Variants in UNC5C observed in about 807,000 individuals in gnomAD.
UNC5C encodes the protein netrin receptor UNC5C.
A neutral mutation model predicts 99.8 loss-of-function variants in UNC5C; 47 were observed. The observed-to-expected ratio is 0.47, with a 90% CI of 0.37 to 0.60. The LOEUF (loss-of-function observed/expected upper bound fraction) is 0.60, where lower values mean the gene tolerates loss of function less well. UNC5C is among the 20% of genes least tolerant of loss of function. The pLI is 0.00. For synonymous variants in UNC5C, 487 were observed against 452.2 expected (o/e 1.08, Z -0.98); for missense variants, 1,062 against 1,165.9 (o/e 0.91, Z 1.30).
chr4:95,240,621 CA>C (rs1739295500), intron 7 of UNC5C, among the ~76,000 whole-genome samples: 2 of 151,708 alleles, frequency 1.3e-5, no homozygotes, highest in Non-Finnish European at 2.9e-5. Context: ...AAAATACAAA[CA>C]AAAACAAACA....
intron 14 of UNC5C, among the ~76,000 whole-genome samples, chr4:95,178,144 G>A (rs573768997): frequency 6.6e-6 from 1 of 152,314 alleles, no homozygotes; most frequent in East Asian, 1.9e-4. Context: ...CTAATCTCAG[G>A]TTGCCCCGTC....
chr4:95,205,554 G>A (rs1032298345), intron 11 of UNC5C, among the ~76,000 whole-genome samples: 1 of 151,990 alleles, frequency 6.6e-6, no homozygotes, highest in Non-Finnish European at 1.5e-5. Flanking sequence ...GAATCTTCAT[G>A]TGTATTTTTT....
intron 2 of UNC5C, among the ~76,000 whole-genome samples, chr4:95,331,227 T>C (rs10032662): frequency 0.4 from 60,371 of 151,998 alleles, 13,724 homozygotes; most frequent in East Asian, 0.84. Context: ...CACTGATGGG[T>C]ACTTGGGTTG....
At chr4:95,444,934 G>C (rs1747053927) in intron 1 of UNC5C, among the ~76,000 whole-genome samples, 1 of 152,080 alleles carries the variant, frequency 6.6e-6, no homozygotes, top group Non-Finnish European at 1.5e-5. Flanking sequence ...AGCCACTTTT[G>C]GTAGATTTAT....
chr4:95,457,038 C>T (rs1747452655), intron 1 of UNC5C, among the ~76,000 whole-genome samples: 1 of 152,078 alleles, frequency 6.6e-6, no homozygotes, highest in African/African-American at 2.4e-5. Flanking sequence ...TTAAGTGAAT[C>T]AACTGACATA....
At chr4:95,318,139 A>C (rs540982375) in intron 2 of UNC5C, among the ~76,000 whole-genome samples, 1 of 152,236 alleles carries the variant, frequency 6.6e-6, no homozygotes, top group East Asian at 1.9e-4. Flanking sequence ...AATATAAACA[A>C]GACTTTTAGG....
chr4:95,216,321 A>T (rs1560736736), intron 9 of UNC5C, 110 bp from the exon 10 acceptor site: 4 of 765,642 alleles, frequency 5.2e-6, no homozygotes, highest in Non-Finnish European at 8.3e-6. Flanking sequence ...TTCTCTAAAG[A>T]CATGTAAATA....
At chr4:95,382,016 G>A (rs553761139) in intron 1 of UNC5C, among the ~76,000 whole-genome samples, 6 of 152,246 alleles carry the variant, frequency 3.9e-5, no homozygotes, top group South Asian at 4.2e-4. Flanking sequence ...AGTCCCAGAC[G>A]AAGTAAGAAG....
At chr4:95,503,246 C>A (rs911339475) in intron 1 of UNC5C, among the ~76,000 whole-genome samples, 1 of 151,800 alleles carries the variant, frequency 6.6e-6, no homozygotes. Flanking sequence ...TCCTTTCTCA[C>A]CCTCTCCCCT....
chr4:95,405,749 C>T (rs79984646), intron 1 of UNC5C, among the ~76,000 whole-genome samples: 4,801 of 152,218 alleles, frequency 0.032, 268 homozygotes, highest in African/African-American at 0.11. Flanking sequence ...TTTATTGCTG[C>T]GTGCCTGAAC....
intron 1 of UNC5C, among the ~76,000 whole-genome samples, chr4:95,431,324 T>TA (rs1173615218): frequency 6.6e-6 from 1 of 152,096 alleles, no homozygotes; most frequent in Non-Finnish European, 1.5e-5. Flanking sequence ...GAAAGCCTGT[T>TA]AAAACTCAGA....
intron 3 of UNC5C, among the ~76,000 whole-genome samples, chr4:95,299,739 A>C (rs1905460): frequency 0.76 from 115,580 of 152,126 alleles, 44,812 homozygotes; most frequent in African/African-American, 0.92. Flanking sequence ...ATCAGATCTC[A>C]TGAGACTTAT....
At chr4:95,444,626 G>A (rs1387313312) in intron 1 of UNC5C, among the ~76,000 whole-genome samples, 6 of 152,098 alleles carry the variant, frequency 3.9e-5, no homozygotes, top group Non-Finnish European at 8.8e-5. Flanking sequence ...GCACCGCGCC[G>A]GGCCTGCATT....
intron 4 of UNC5C, among the ~76,000 whole-genome samples, chr4:95,277,020 C>T (rs889146576): frequency 3.9e-5 from 6 of 151,966 alleles, no homozygotes; most frequent in Non-Finnish European, 2.9e-5. Context: ...GATGTTTGAG[C>T]TTGTTGTCAG....
At chr4:95,224,931 C>T (rs1280100505) in intron 7 of UNC5C, among the ~76,000 whole-genome samples, 1 of 150,506 alleles carries the variant, frequency 6.6e-6, no homozygotes. Context: ...GATCAGGAGG[C>T]AAGTGCTTGA....
intron 14 of UNC5C, among the ~76,000 whole-genome samples, chr4:95,180,624 G>C (rs1025886574): frequency 1.8e-4 from 27 of 152,184 alleles, no homozygotes; most frequent in African/African-American, 6.5e-4. Flanking sequence ...CAGAGTACAT[G>C]TCACGCACAG....
intron 1 of UNC5C, among the ~76,000 whole-genome samples, chr4:95,365,023 A>G (rs1383526793): frequency 6.6e-6 from 1 of 151,568 alleles, no homozygotes; most frequent in African/African-American, 2.4e-5. Flanking sequence ...GGTCGGGTGC[A>G]GTGGCTCACA....
chr4:95,474,566 G>A (rs1431565463), intron 1 of UNC5C, among the ~76,000 whole-genome samples: 3 of 152,072 alleles, frequency 2.0e-5, no homozygotes, highest in Non-Finnish European at 4.4e-5. Flanking sequence ...AGGATTACAG[G>A]TGTGAGCCAC....
chr4:95,399,075 T>A (rs555063253), intron 1 of UNC5C, among the ~76,000 whole-genome samples: 3 of 152,300 alleles, frequency 2.0e-5, no homozygotes, highest in Non-Finnish European at 2.9e-5. Flanking sequence ...GCTATTTATA[T>A]CACATAGGTC....
Sources: gnomAD v4.1 joint callset for allele counts (sites outside exome capture counted in the v4.1 genomes callset) on GRCh38, gnomAD v4.1.1 for gene constraint, MANE v1.5 for transcripts, NCBI Gene and HGNC (gene_info 2026-07-23, HGNC 2026-07-21) for gene names.